RIC3: variants seen among roughly 807,000 people sequenced by gnomAD.
The protein encoded by RIC3 is protein RIC-3.
A neutral mutation model predicts 27.3 loss-of-function variants in RIC3; 28 were observed. That is an observed-to-expected ratio of 1.02 (90% CI 0.76 to 1.41). The LOEUF (loss-of-function observed/expected upper bound fraction) is 1.41. RIC3 is among the 40% of genes most tolerant of loss of function. The pLI is 0.00. For synonymous variants in RIC3, 184 were observed against 160.4 expected, an observed-to-expected ratio of 1.15 and a Z score of -1.11; for missense variants, 501 against 444.7, an observed-to-expected ratio of 1.13 and a Z score of -1.14.
At chr11:8,100,212 G>C in the RIC3 span, among the ~76,000 whole-genome samples, 1 of 152,196 alleles carries the variant, frequency 6.6e-6, no homozygotes, top group Non-Finnish European at 1.5e-5. Context: ...TGATGGATTA[G>C]ACGTAGGATG....
the RIC3 span, among the ~76,000 whole-genome samples, chr11:8,098,188 C>T: frequency 1.3e-5 from 2 of 151,596 alleles, no homozygotes; most frequent in Admixed American, 6.6e-5. Flanking sequence ...AGGGAAGAGA[C>T]ACACAGCAAT....
intron 1 of RIC3, among the ~76,000 whole-genome samples, chr11:8,165,481 A>G (rs1951596063): frequency 6.6e-6 from 1 of 152,218 alleles, no homozygotes; most frequent in African/African-American, 2.4e-5. Flanking sequence ...CAGAACAGGC[A>G]AATCTATAGA....
chr11:8,095,782 G>C, the RIC3 span: 1 of 1,159,536 alleles, frequency 8.6e-7, no homozygotes. Flanking sequence ...AATGGTGGGT[G>C]AGGGTGGGGC....
intron 1 of RIC3, among the ~76,000 whole-genome samples, chr11:8,160,114 C>T (rs1022632043): frequency 6.6e-6 from 1 of 152,074 alleles, no homozygotes; most frequent in African/African-American, 2.4e-5. Context: ...GAAGTATTGA[C>T]TTTTTAGGTG....
At chr11:8,111,694 G>C (rs960826820) in intron 5 of RIC3, among the ~76,000 whole-genome samples, 1 of 152,180 alleles carries the variant, frequency 6.6e-6, no homozygotes, top group African/African-American at 2.4e-5. Context: ...ATCCCGAAAG[G>C]ACAAGCACTG....
chr11:8,137,761 C>T (rs569135355), intron 3 of RIC3, among the ~76,000 whole-genome samples: 36 of 143,168 alleles, frequency 2.5e-4, no homozygotes, highest in African/African-American at 8.2e-4. Flanking sequence ...CTCTTACTTG[C>T]GGGTGGTAAA....
At chr11:8,152,681 G>A (rs974604970) in intron 1 of RIC3, among the ~76,000 whole-genome samples, 5 of 152,134 alleles carry the variant, frequency 3.3e-5, no homozygotes, top group African/African-American at 4.8e-5. Context: ...ACAACTCTAC[G>A]AATATACTAA....
chr11:8,134,826 C>A (rs59349891), intron 4 of RIC3, among the ~76,000 whole-genome samples: 2 of 152,066 alleles, frequency 1.3e-5, no homozygotes, highest in Non-Finnish European at 2.9e-5. Flanking sequence ...ATCCTTTGCC[C>A]GCTTGTTGAT....
chr11:8,140,593 T>C (rs1948940637), intron 1 of RIC3, among the ~76,000 whole-genome samples: 1 of 152,234 alleles, frequency 6.6e-6, no homozygotes, highest in Admixed American at 6.5e-5. Context: ...CACGGGGACC[T>C]TGGAAGCCAC....
At chr11:8,141,282 C>T (rs965346012) in intron 1 of RIC3, among the ~76,000 whole-genome samples, 1 of 151,796 alleles carries the variant, frequency 6.6e-6, no homozygotes, top group Admixed American at 6.6e-5. Flanking sequence ...ATTCAGGAAA[C>T]CCATCTCACG....
chr11:8,155,523 C>A (rs1327473742), intron 1 of RIC3, among the ~76,000 whole-genome samples: 1 of 152,078 alleles, frequency 6.6e-6, no homozygotes, highest in African/African-American at 2.4e-5. Flanking sequence ...TTGCAGTGAG[C>A]CAAAATCGCG....
the RIC3 span, chr11:8,095,691 AC>A: frequency 5.8e-6 from 9 of 1,561,956 alleles, 1 homozygote; most frequent in South Asian, 8.2e-5. Context: ...ACCCAGTGAT[AC>A]CCCCAAAACT....
intron 1 of RIC3, among the ~76,000 whole-genome samples, chr11:8,144,929 A>C (rs994318591): frequency 3.4e-5 from 5 of 148,254 alleles, no homozygotes; most frequent in African/African-American, 7.5e-5. Context: ...CTATCGCAAG[A>C]ACAAAAAACC....
chr11:8,093,668 CCTTTGTT>C, the RIC3 span, among the ~76,000 whole-genome samples: 1 of 152,190 alleles, frequency 6.6e-6, no homozygotes, highest in Admixed American at 6.5e-5. Context: ...GAAGATGCAG[CCTTTGTT>C]CTTTCTTCCC....
intron 4 of RIC3, among the ~76,000 whole-genome samples, chr11:8,134,192 G>A (rs540996303): frequency 6.6e-6 from 1 of 152,064 alleles, no homozygotes; most frequent in African/African-American, 2.4e-5. Context: ...TCCCCTTCCT[G>A]TGTCCAAGTG....
At chr11:8,168,550 G>C (rs946278293) in intron 1 of RIC3, among the ~76,000 whole-genome samples, 1 of 152,180 alleles carries the variant, frequency 6.6e-6, no homozygotes, top group African/African-American at 2.4e-5. Context: ...AAATGGTGAC[G>C]AGATGAGTTA....
downstream of RIC3, chr11:8,101,698 C>T (rs549766546): frequency 6.4e-6 from 10 of 1,561,964 alleles, no homozygotes; most frequent in East Asian, 4.7e-5. Flanking sequence ...CCCTGCCTAT[C>T]CTCTGTATAT....
At chr11:8,097,767 C>T in the RIC3 span, 1 of 1,614,120 alleles carries the variant, frequency 6.2e-7, no homozygotes, top group Non-Finnish European at 8.5e-7. Context: ...CCAATTACCT[C>T]ATCTCTGTGG....
At chr11:8,122,607 G>C (rs76333730) in intron 5 of RIC3, among the ~76,000 whole-genome samples, 11 of 152,120 alleles carry the variant, frequency 7.2e-5, no homozygotes, top group Non-Finnish European at 1.3e-4. Context: ...GCAAAGCTAG[G>C]AACAACCCAA....
Sources: allele counts gnomAD v4.1 joint callset (sites outside exome capture counted in the v4.1 genomes callset), GRCh38; gene constraint gnomAD v4.1.1; transcripts MANE v1.5; gene names NCBI Gene and HGNC (gene_info 2026-07-23, HGNC 2026-07-21).